The following PIK3CB variants were observed in gnomAD, a reference collection of about 807,000 sequenced individuals.
The protein encoded by PIK3CB is phosphatidylinositol 4,5-bisphosphate 3-kinase catalytic subunit beta isoform.
A neutral mutation model predicts 136.8 loss-of-function variants in PIK3CB; 39 were observed. The observed-to-expected ratio is 0.29, with a 90% CI of 0.22 to 0.37. The LOEUF is 0.37. PIK3CB is among the 10% of genes least tolerant of loss of function. PIK3CB has a pLI of 1.00. For missense variants in PIK3CB, 868 were observed against 1,275.4 expected, an observed-to-expected ratio of 0.68 and a Z score of 4.87; for synonymous variants, 428 against 436.6, an observed-to-expected ratio of 0.98 and a Z score of 0.25.
At chr3:138,716,417 C>T (rs2044607705) in intron 8 of PIK3CB, among the ~76,000 whole-genome samples, 1 of 152,148 alleles carries the variant, frequency 6.6e-6, no homozygotes, top group Non-Finnish European at 1.5e-5. Flanking sequence ...TAACCATAAT[C>T]ACACATGTTC....
chr3:138,734,613 A>C, intron 7 of PIK3CB, 21 bp downstream of exon 7: 1 of 1,569,272 alleles, frequency 6.4e-7, no homozygotes, highest in Non-Finnish European at 8.7e-7. Flanking sequence ...GGGTTACTAA[A>C]GGTTCAGAAA....
At chr3:138,737,556 T>C in intron 6 of PIK3CB, 151 bp downstream of exon 6, 1 of 262,726 alleles carries the variant, frequency 3.8e-6, no homozygotes, top group East Asian at 6.6e-5. Context: ...GTAAGTACTA[T>C]TATGAATATT....
At chr3:138,771,387 T>A (rs1423234813) in intron 2 of PIK3CB, among the ~76,000 whole-genome samples, 1 of 152,072 alleles carries the variant, frequency 6.6e-6, no homozygotes, top group Admixed American at 6.6e-5. Flanking sequence ...CGCAACCAGC[T>A]ATTTTTTGTA....
rs150899034 is a variant in PIK3CB, at chr3:138,686,532, T to C, written c.2137-1729A>G. On this transcript the variant is annotated intron_variant, in intron 16 of 23. Coordinates refer to ENST00000674063, the MANE Select transcript of PIK3CB (RefSeq NM_006219.3). ...GTCTTTTATGTCACAGTACATAAAA[T>C]TCATAACAACTTCAGCCACGCATAA... Among the ~76,000 whole-genome samples the C allele has an allele frequency of 2.8e-3, 421 of 152,274 alleles. 1 individual carries two copies. Among genetic ancestry groups the C allele is most frequent in the African/African-American group, 9.8e-3 (406 of 41,572 alleles).
chr3:138,778,704 G>A (rs62282164), intron 2 of PIK3CB: 29,539 of 215,724 alleles, frequency 0.14, 2,711 homozygotes, highest in Non-Finnish European at 0.2. Context: ...TTCAATGTTG[G>A]AGCTGGTATT....
At chr3:138,750,360 G>A (rs537359393) in intron 4 of PIK3CB, among the ~76,000 whole-genome samples, 42 of 152,072 alleles carry the variant, frequency 2.8e-4, no homozygotes, top group Non-Finnish European at 4.9e-4. Context: ...GCAATAGAAT[G>A]GGGGTGGGGG....
intron 19 of PIK3CB, among the ~76,000 whole-genome samples, chr3:138,680,146 T>C (rs1393314414): frequency 1.3e-5 from 2 of 151,544 alleles, no homozygotes; most frequent in African/African-American, 4.8e-5. Flanking sequence ...GATCACAAGG[T>C]CAGGAGTTTG....
chr3:138,738,304 T>A (rs915013802), intron 5 of PIK3CB, among the ~76,000 whole-genome samples: 6 of 152,098 alleles, frequency 3.9e-5, no homozygotes, highest in African/African-American at 1.4e-4. Flanking sequence ...CCTGAGGAGC[T>A]AGGATTACAG....
intron 8 of PIK3CB, among the ~76,000 whole-genome samples, chr3:138,721,283 C>T (rs2108604575): frequency 6.6e-6 from 1 of 152,278 alleles, no homozygotes; most frequent in East Asian, 1.9e-4. Flanking sequence ...CTGCCTCAGC[C>T]TCCCGAGTAG....
chr3:138,751,146 C>A (rs1193519035), intron 4 of PIK3CB, among the ~76,000 whole-genome samples: 1 of 152,168 alleles, frequency 6.6e-6, no homozygotes, highest in Non-Finnish European at 1.5e-5. Context: ...TTGGGAACCA[C>A]CATAAAGATC....
chr3:138,807,382 C>T (rs1420227467), intron 1 of PIK3CB, among the ~76,000 whole-genome samples: 1 of 151,746 alleles, frequency 6.6e-6, no homozygotes, highest in Non-Finnish European at 1.5e-5. Context: ...TGCAGTGAGC[C>T]GAGATTGTGC....
chr3:138,687,191 T>C (rs1432339986), intron 16 of PIK3CB, among the ~76,000 whole-genome samples: 3 of 150,900 alleles, frequency 2.0e-5, no homozygotes, highest in Non-Finnish European at 4.4e-5. Context: ...AGAACAGCTA[T>C]GTACAGGGTA....
chr3:138,759,175 G>C lies in PIK3CB; in HGVS notation c.169C>G (p.Gln57Glu), dbSNP rs764363710. Residue 57 changes from glutamine to glutamate, a missense_variant and splice_region_variant, in exon 3 of 24, where the codon CAG (glutamine) becomes GAG (glutamate). By Grantham distance (29) the Gln-to-Glu change is conservative. This residue lies in a region of PIK3CB where 612 missense variants were observed against 801.1 expected (regional missense o/e 0.76). Coordinates refer to ENST00000674063, the MANE Select transcript of PIK3CB (RefSeq NM_006219.3). ...AGAAATTATACCTATTAACATACCT[G>C]CTTAATATAAGAAATGGTAGCTTCC... ...PREATISYIK[Q>E]MLWKQVHNYP... 19 of 1,598,766 alleles carry C rather than the reference G, an allele frequency of 1.2e-5. No homozygotes were observed. The highest frequency in any genetic ancestry group is 1.6e-5 in the Non-Finnish European group (19 of 1,167,572).
At chr3:138,721,288 G>A (rs567525544) in intron 8 of PIK3CB, among the ~76,000 whole-genome samples, 5 of 152,018 alleles carry the variant, frequency 3.3e-5, no homozygotes, top group African/African-American at 7.2e-5. Flanking sequence ...TCAGCCTCCC[G>A]AGTAGCTGGG....
At chr3:138,798,117 G>A (rs1020843413) in intron 1 of PIK3CB, among the ~76,000 whole-genome samples, 1 of 151,966 alleles carries the variant, frequency 6.6e-6, no homozygotes, top group African/African-American at 2.4e-5. Context: ...TGGATTTTAG[G>A]GTAAAGATAG....
At chr3:138,699,134 C>G (rs2108531743) in intron 12 of PIK3CB, 39 bp from the exon 13 acceptor site, 2 of 1,022,468 alleles carry the variant, frequency 2.0e-6, no homozygotes, top group Non-Finnish European at 2.8e-6. Context: ...TTTAATTGTG[C>G]AAACACCACA....
chr3:138,755,258 T>G (rs1286544563), intron 4 of PIK3CB, among the ~76,000 whole-genome samples: 2 of 152,208 alleles, frequency 1.3e-5, no homozygotes, highest in African/African-American at 4.8e-5. Flanking sequence ...AAGGATAATG[T>G]CTCCTTTAGT....
chr3:138,789,734 G>A (rs907698501), intron 2 of PIK3CB, among the ~76,000 whole-genome samples: 5 of 150,148 alleles, frequency 3.3e-5, no homozygotes, highest in Non-Finnish European at 7.4e-5. Flanking sequence ...TCTCTCTGTC[G>A]CCAGGCTGGA....
At position 138,834,841 on chromosome 3, in the gene PIK3CB, C is replaced by T. The variant is rs1179132310; in HGVS notation, c.-268G>A. On this transcript the variant is annotated 5_prime_UTR_variant, in exon 1 of 24. Coordinates refer to ENST00000674063, the MANE Select transcript of PIK3CB (RefSeq NM_006219.3). ...GCCCCGCGCAGCACTACACTCGCCC[C>T]CTCCCCACTGCCATGGCCCGCTCCG... The T allele has an allele frequency of 3.9e-5, 6 of 151,992 alleles. No individual in the cohort carries two copies. The highest frequency in any genetic ancestry group is 1.2e-4 in the African/African-American group (5 of 41,364). 9.4% of individuals were successfully genotyped at this position (151,992 alleles called of 1,614,324 possible).
Sources: gnomAD v4.1 joint callset for allele counts (sites outside exome capture counted in the v4.1 genomes callset) on GRCh38, gnomAD v4.1.1 for gene constraint, gnomAD v4.1.1 regional missense constraint, MANE v1.5 for transcripts, NCBI Gene and HGNC (gene_info 2026-07-23, HGNC 2026-07-21) for gene names.